The following ARL13B variants were observed in gnomAD, a reference collection of about 807,000 sequenced individuals.
ARL13B encodes ARF like GTPase 13B.
In ARL13B, 36 loss-of-function variants were observed where a neutral mutation model predicts 56.1. The ratio of observed to expected loss-of-function variants is 0.64; its 90% CI spans 0.49 to 0.85. The LOEUF (loss-of-function observed/expected upper bound fraction) is 0.85. Among genes scored for constraint, ARL13B ranks in the 40% least tolerant of loss-of-function variants. The pLI is 0.00. For missense variants in ARL13B, 519 were observed against 507.1 expected (o/e 1.02, Z -0.23); for synonymous variants, 178 against 171.1 (o/e 1.04, Z -0.32).
At chr3:94,042,716 A>T (rs1377456579) in intron 6 of ARL13B, among the ~76,000 whole-genome samples, 1 of 152,164 alleles carries the variant, frequency 6.6e-6, no homozygotes, top group Non-Finnish European at 1.5e-5. Context: ...AGAGAAAATC[A>T]TCTCTTAGTG....
chr3:94,015,108 G>A (rs1316725228), intron 3 of ARL13B: 4 of 1,613,646 alleles, frequency 2.5e-6, no homozygotes, highest in Non-Finnish European at 3.4e-6. Context: ...GTAGTTTTTG[G>A]ATTTCATGTA....
chr3:94,029,335 TTTA>T (rs1198214035), intron 3 of ARL13B, among the ~76,000 whole-genome samples: 5 of 60,718 alleles, frequency 8.2e-5, no homozygotes, highest in South Asian at 4.1e-4. Context: ...TATATATATA[TTTA>T]TTTTTTTTTT....
chr3:93,980,570 GAC>G, intron 1 of ARL13B, 88 bp downstream of exon 1: 2 of 1,541,604 alleles, frequency 1.3e-6, no homozygotes, highest in Non-Finnish European at 1.8e-6. Flanking sequence ...CCCGCGCCTG[GAC>G]GAGTCTATCC....
chr3:94,055,091 G>T lies in ARL13B; in HGVS notation c.*1828G>T. The stretch of plus-strand genomic sequence containing the variant: ...TGATTTTGAAATTAAATATAATATA[G>T]AATTCACATTTTATATAGCTCTCTC... On this transcript the variant is annotated 3_prime_UTR_variant, in exon 10 of 10. Coordinates refer to ENST00000394222, the MANE Select transcript of ARL13B (RefSeq NM_001174150.2). The T allele has an allele frequency of 2.7e-6, 1 of 367,516 alleles. No individual in the cohort carries two copies. Among genetic ancestry groups the T allele is most frequent in the Non-Finnish European group, 5.2e-6 (1 of 191,474 alleles). 22.8% of individuals were successfully genotyped at this position (367,516 alleles called of 1,614,324 possible).
At chr3:94,028,502 G>A (rs1476314180) in intron 3 of ARL13B, 3 of 152,192 alleles carry the variant, frequency 2.0e-5, no homozygotes, top group African/African-American at 7.2e-5. Context: ...ACTAATTTCT[G>A]TATAGTTTTC....
At chr3:93,996,088 T>A in intron 2 of ARL13B, 144 bp downstream of exon 2, 1 of 852,632 alleles carries the variant, frequency 1.2e-6, no homozygotes, top group South Asian at 1.6e-5. Context: ...TTTGTGACTC[T>A]TGTGGCGAAT....
intron 6 of ARL13B, among the ~76,000 whole-genome samples, chr3:94,042,087 A>G (rs2076873308): frequency 6.6e-6 from 1 of 152,188 alleles, no homozygotes; most frequent in African/African-American, 2.4e-5. Context: ...ATTCAATAAT[A>G]GTTCATTTTT....
At chr3:94,021,433 G>C (rs1462828300) in intron 3 of ARL13B, among the ~76,000 whole-genome samples, 1 of 152,020 alleles carries the variant, frequency 6.6e-6, no homozygotes, top group Non-Finnish European at 1.5e-5. Context: ...GACCTCAAGT[G>C]ATCTGCCCGC....
chr3:93,987,437 G>A (rs1420368096), intron 1 of ARL13B, among the ~76,000 whole-genome samples: 2 of 152,144 alleles, frequency 1.3e-5, no homozygotes, highest in African/African-American at 4.8e-5. Flanking sequence ...GAGTATGGAA[G>A]TCTTCACTTG....
chr3:94,041,027 A>G (rs1000205281), intron 6 of ARL13B, among the ~76,000 whole-genome samples: 10 of 152,120 alleles, frequency 6.6e-5, no homozygotes, highest in African/African-American at 2.2e-4. Flanking sequence ...AACGCTTTGA[A>G]ACTACAATTT....
intron 3 of ARL13B, among the ~76,000 whole-genome samples, chr3:94,013,169 T>C (rs1035598138): frequency 6.6e-6 from 1 of 152,162 alleles, no homozygotes; most frequent in African/African-American, 2.4e-5. Flanking sequence ...TACCCTCCCT[T>C]GTACTCATTC....
chr3:93,986,239 A>T (rs542216752), intron 1 of ARL13B, among the ~76,000 whole-genome samples: 3 of 152,198 alleles, frequency 2.0e-5, no homozygotes, highest in Non-Finnish European at 4.4e-5. Flanking sequence ...AAAAATGGAC[A>T]CTAAGAATTT....
At chr3:94,044,127 A>G (rs985702425) in intron 7 of ARL13B, among the ~76,000 whole-genome samples, 1 of 147,034 alleles carries the variant, frequency 6.8e-6, no homozygotes, top group Non-Finnish European at 1.5e-5. Context: ...ATCGTCTGGG[A>G]TGTGAGGAGC....
chr3:94,016,476 T>C (rs2076335550), intron 3 of ARL13B, among the ~76,000 whole-genome samples: 1 of 152,104 alleles, frequency 6.6e-6, no homozygotes, highest in South Asian at 2.1e-4. Flanking sequence ...GATTCAAATA[T>C]TAAAATAGTG....
chr3:93,995,901 T>G lies in ARL13B; in HGVS notation c.87T>G (p.Leu29=), dbSNP rs1559971349. 2 of 1,613,156 alleles carry G rather than the reference T, an allele frequency of 1.2e-6. No individual in the cohort carries two copies. The highest frequency in any genetic ancestry group is 4.5e-5 in the East Asian group (2 of 44,800). ...AGGTGACTCTTTTGATGGTGGGACT[T>G]GATAATGCTGGTAAAACCGCAACAG... ...VRKVTLLMVG[L]DNAGKTATAK... Residue 29 remains leucine (L), a synonymous_variant, in exon 2 of 10, where the codon CTT becomes CTG. Coordinates refer to ENST00000394222, the MANE Select transcript of ARL13B (RefSeq NM_001174150.2).
At chr3:94,023,593 C>T (rs2076494134) in intron 3 of ARL13B, among the ~76,000 whole-genome samples, 1 of 151,818 alleles carries the variant, frequency 6.6e-6, no homozygotes, top group African/African-American at 2.4e-5. Context: ...CAGTCCAGTC[C>T]AAGAAAAGCA....
intron 3 of ARL13B, among the ~76,000 whole-genome samples, chr3:94,029,965 A>G (rs2076646081): frequency 6.6e-6 from 1 of 152,200 alleles, no homozygotes; most frequent in Admixed American, 6.5e-5. Context: ...AAGGGTAGAT[A>G]TAAATATTGT....
intron 1 of ARL13B, among the ~76,000 whole-genome samples, chr3:93,990,764 A>G (rs929767527): frequency 1.3e-5 from 2 of 152,178 alleles, no homozygotes; most frequent in Non-Finnish European, 2.9e-5. Context: ...ATATGCTCTT[A>G]ACCCCTTGTT....
intron 3 of ARL13B, among the ~76,000 whole-genome samples, chr3:94,004,301 T>A (rs1002174144): frequency 6.6e-6 from 1 of 152,186 alleles, no homozygotes; most frequent in African/African-American, 2.4e-5. Flanking sequence ...TTCAGAGTTA[T>A]GTAAACAGTT....
Sources: gnomAD v4.1 joint callset for allele counts (sites outside exome capture counted in the v4.1 genomes callset) on GRCh38, gnomAD v4.1.1 for gene constraint, MANE v1.5 for transcripts, NCBI Gene and HGNC (gene_info 2026-07-23, HGNC 2026-07-21) for gene names.